The following AGBL4 variants were observed in gnomAD, a reference collection of about 807,000 sequenced individuals.
AGBL4 encodes AGBL carboxypeptidase 4, also known as cytosolic carboxypeptidase 6.
In AGBL4, 58 loss-of-function variants were observed where a neutral mutation model predicts 66.4. The ratio of observed to expected loss-of-function variants is 0.87; its 90% CI spans 0.71 to 1.09. The LOEUF (loss-of-function observed/expected upper bound fraction) is 1.09, where lower values mean the gene tolerates loss of function less well. Ranked by LOEUF, AGBL4 falls within the 50% of genes least tolerant of loss-of-function variation. The pLI, the probability that AGBL4 is intolerant of heterozygous loss-of-function variation, is 0.00. For missense variants in AGBL4, 579 were observed against 631.0 expected (o/e 0.92, Z 0.88); for synonymous variants, 234 against 222.9 (o/e 1.05, Z -0.44).
chr1:48,877,349 C>T (rs1339774212), intron 5 of AGBL4, among the ~76,000 whole-genome samples: 5 of 152,052 alleles, frequency 3.3e-5, no homozygotes, highest in African/African-American at 1.2e-4. Context: ...TCGTTTTAGA[C>T]ATGGTAATTA....
intron 1 of AGBL4, among the ~76,000 whole-genome samples, chr1:49,984,760 T>C (rs1160745017): frequency 1.3e-5 from 2 of 152,128 alleles, no homozygotes; most frequent in African/African-American, 2.4e-5. Flanking sequence ...TATTACATAA[T>C]TGAAACAAAA....
At chr1:48,598,882 CTT>C in intron 9 of AGBL4, among the ~76,000 whole-genome samples, 1 of 152,240 alleles carries the variant, frequency 6.6e-6, no homozygotes, top group East Asian at 1.9e-4. Context: ...CTTTTTGACT[CTT>C]GTAATAACAC....
At chr1:49,008,374 A>G (rs992786811) in intron 5 of AGBL4, among the ~76,000 whole-genome samples, 5 of 151,948 alleles carry the variant, frequency 3.3e-5, no homozygotes, top group Non-Finnish European at 5.9e-5. Context: ...CAGATTCATA[A>G]AGCAAGTCCT....
intron 3 of AGBL4, among the ~76,000 whole-genome samples, chr1:49,322,759 C>A (rs1348845323): frequency 6.6e-6 from 1 of 152,152 alleles, no homozygotes; most frequent in Non-Finnish European, 1.5e-5. Flanking sequence ...TGACTTCAGA[C>A]TTCTGGCCTC....
chr1:49,528,372 TAATC>T (rs1048653700), intron 3 of AGBL4, among the ~76,000 whole-genome samples: 6 of 152,122 alleles, frequency 3.9e-5, no homozygotes, highest in African/African-American at 1.4e-4. Flanking sequence ...CAAAGAATCC[TAATC>T]AATATAGCAC....
intron 1 of AGBL4, among the ~76,000 whole-genome samples, chr1:49,875,282 A>C: frequency 7.2e-6 from 1 of 138,378 alleles, no homozygotes; most frequent in African/African-American, 2.7e-5. Context: ...CATTAGGTAT[A>C]TCTCCCAATG....
At chr1:49,074,228 C>T (rs921770202) in intron 4 of AGBL4, among the ~76,000 whole-genome samples, 7 of 152,202 alleles carry the variant, frequency 4.6e-5, no homozygotes, top group African/African-American at 1.7e-4. Context: ...CCTGGTCTGC[C>T]GGTTGCAAAG....
At chr1:48,844,473 G>A (rs1446071373) in intron 6 of AGBL4, among the ~76,000 whole-genome samples, 1 of 152,174 alleles carries the variant, frequency 6.6e-6, no homozygotes, top group Non-Finnish European at 1.5e-5. Flanking sequence ...CTATGTTCTT[G>A]AAACGCATGC....
At chr1:49,067,110 G>T (rs1386305979) in intron 4 of AGBL4, among the ~76,000 whole-genome samples, 1 of 152,136 alleles carries the variant, frequency 6.6e-6, no homozygotes, top group African/African-American at 2.4e-5. Flanking sequence ...TGTGATAGAA[G>T]TGTGTCCACA....
intron 3 of AGBL4, among the ~76,000 whole-genome samples, chr1:49,401,637 T>C (rs77443088): frequency 0.058 from 8,761 of 152,296 alleles, 349 homozygotes; most frequent in Middle Eastern, 0.085. Context: ...TATTGGCCTA[T>C]AGTTTTCCTT....
At chr1:48,747,114 TC>T (rs1650890689) in intron 6 of AGBL4, among the ~76,000 whole-genome samples, 1 of 152,224 alleles carries the variant, frequency 6.6e-6, no homozygotes, top group Admixed American at 6.5e-5. Flanking sequence ...GGCATTGTTC[TC>T]CCTCAAACAC....
intron 3 of AGBL4, among the ~76,000 whole-genome samples, chr1:49,517,820 T>C (rs1312464037): frequency 6.6e-6 from 1 of 152,036 alleles, no homozygotes; most frequent in Admixed American, 6.6e-5. Flanking sequence ...TAAATATATA[T>C]GTACTATTTT....
At chr1:49,001,991 TA>T (rs1317352609) in intron 5 of AGBL4, among the ~76,000 whole-genome samples, 5 of 152,334 alleles carry the variant, frequency 3.3e-5, no homozygotes, top group African/African-American at 1.2e-4. Context: ...TTGTGGTAAA[TA>T]TTGCATTAAG....
At chr1:49,135,224 T>G (rs917395110) in intron 4 of AGBL4, among the ~76,000 whole-genome samples, 1 of 152,122 alleles carries the variant, frequency 6.6e-6, no homozygotes, top group Non-Finnish European at 1.5e-5. Flanking sequence ...ATTATATTTT[T>G]GAAAACTATA....
At chr1:49,351,416 A>G (rs1216885056) in intron 3 of AGBL4, among the ~76,000 whole-genome samples, 1 of 152,120 alleles carries the variant, frequency 6.6e-6, no homozygotes, top group African/African-American at 2.4e-5. Flanking sequence ...ATGATCAAAT[A>G]TAGGGAGTAT....
intron 6 of AGBL4, among the ~76,000 whole-genome samples, chr1:48,781,690 T>C (rs1449042615): frequency 6.6e-6 from 1 of 152,230 alleles, no homozygotes; most frequent in East Asian, 1.9e-4. Flanking sequence ...CTTTTATACA[T>C]TACCAAGTGT....
chr1:48,588,288 C>G (rs1386898027), intron 10 of AGBL4, among the ~76,000 whole-genome samples: 1 of 152,202 alleles, frequency 6.6e-6, no homozygotes, highest in African/African-American at 2.4e-5. Context: ...AAGATGTTGA[C>G]AGCACCCATC....
At chr1:49,725,656 T>A (rs1211822699) in intron 2 of AGBL4, among the ~76,000 whole-genome samples, 1 of 151,072 alleles carries the variant, frequency 6.6e-6, no homozygotes, top group African/African-American at 2.4e-5. Context: ...TGAAGTCATA[T>A]CCATTAATGT....
In AGBL4 at chr1:49,920,167, A is replaced by G. The variant is rs1271619700; in HGVS notation, c.35-68649T>C. Among the ~76,000 whole-genome samples the G allele has an allele frequency of 2.0e-5, 3 of 152,346 alleles. No individual in the cohort carries two copies. The East Asian group carries it at 5.8e-4, about 29-fold the overall frequency. On this transcript the variant is annotated intron_variant, in intron 1 of 13. Transcript: ENST00000371839. ...GAAGACCTAGGCAATACCATTCAGG[A>G]CATAGGCATGGGCAAGGACTTCATG...
Sources: gnomAD v4.1 joint callset for allele counts (sites outside exome capture counted in the v4.1 genomes callset) on GRCh38, gnomAD v4.1.1 for gene constraint, MANE v1.5 for transcripts, NCBI Gene and HGNC (gene_info 2026-07-23, HGNC 2026-07-21) for gene names.